KCNIP4: variants seen among roughly 807,000 people sequenced by gnomAD.
KCNIP4 encodes potassium voltage-gated channel interacting protein 4, also known as Kv channel-interacting protein 4.
In KCNIP4, 12 loss-of-function variants were observed where a neutral mutation model predicts 34.0. That is an observed-to-expected ratio of 0.35 (90% CI 0.23 to 0.57). KCNIP4 has a LOEUF of 0.57. Among genes scored for constraint, KCNIP4 ranks in the 20% least tolerant of loss-of-function variants. The pLI, the probability that KCNIP4 is intolerant of heterozygous loss-of-function variation, is 0.83. For missense variants in KCNIP4, 238 were observed against 311.7 expected, an observed-to-expected ratio of 0.76 and a Z score of 1.78; for synonymous variants, 124 against 102.2, an observed-to-expected ratio of 1.21 and a Z score of -1.29.
At chr4:21,388,692 A>G (rs1465148886) in intron 1 of KCNIP4, among the ~76,000 whole-genome samples, 1 of 152,114 alleles carries the variant, frequency 6.6e-6, no homozygotes, top group Non-Finnish European at 1.5e-5. Flanking sequence ...CTCCAGGCCT[A>G]GGCAACCACT....
intron 1 of KCNIP4, among the ~76,000 whole-genome samples, chr4:21,796,085 A>G (rs1046124704): frequency 1.3e-5 from 2 of 152,182 alleles, no homozygotes; most frequent in African/African-American, 4.8e-5. Flanking sequence ...TCAATAAATA[A>G]AAATTAAACC....
At chr4:21,367,445 A>C (rs1008522066) in intron 1 of KCNIP4, among the ~76,000 whole-genome samples, 1 of 152,086 alleles carries the variant, frequency 6.6e-6, no homozygotes, top group African/African-American at 2.4e-5. Context: ...TGAGCCAAGC[A>C]CTGTCCTGTA....
intron 1 of KCNIP4, among the ~76,000 whole-genome samples, chr4:21,334,679 A>T (rs1715993060): frequency 6.6e-6 from 1 of 151,870 alleles, no homozygotes; most frequent in Non-Finnish European, 1.5e-5. Flanking sequence ...AGCCGTTCAC[A>T]CCCCCACCCC....
At chr4:21,628,069 T>C (rs1035466640) in intron 1 of KCNIP4, among the ~76,000 whole-genome samples, 1 of 152,154 alleles carries the variant, frequency 6.6e-6, no homozygotes. Context: ...TATTGGTTTA[T>C]TATAAGTTAC....
At chr4:21,543,419 A>T (rs1737865926) in intron 1 of KCNIP4, among the ~76,000 whole-genome samples, 1 of 151,138 alleles carries the variant, frequency 6.6e-6, no homozygotes. Context: ...TTAAGCATGT[A>T]TTTTTTTTTC....
chr4:20,846,462 A>G (rs11942985), intron 3 of KCNIP4, among the ~76,000 whole-genome samples: 54,706 of 152,078 alleles, frequency 0.36, 10,333 homozygotes, highest in Non-Finnish European at 0.42. Flanking sequence ...TGAAACATAT[A>G]TATTGATATT....
intron 1 of KCNIP4, among the ~76,000 whole-genome samples, chr4:20,886,081 A>C (rs1393505013): frequency 6.6e-6 from 1 of 152,244 alleles, no homozygotes; most frequent in Non-Finnish European, 1.5e-5. Context: ...TCCCTACTGA[A>C]ATGGAAGATG....
chr4:21,234,332 T>TATATATAACATATATAACA (rs1560199093), intron 1 of KCNIP4, among the ~76,000 whole-genome samples: 1 of 82,180 alleles, frequency 1.2e-5, no homozygotes, highest in Non-Finnish European at 2.1e-5. Context: ...CATATATAAA[T>TATATATAACATATATAACA]TATATATAAC....
At chr4:21,258,235 G>C (rs1486646257) in intron 1 of KCNIP4, among the ~76,000 whole-genome samples, 1 of 152,242 alleles carries the variant, frequency 6.6e-6, no homozygotes, top group East Asian at 1.9e-4. Flanking sequence ...CATAAATTTA[G>C]GTAGATTTGA....
At chr4:21,177,596 G>A (rs747843822) in intron 1 of KCNIP4, among the ~76,000 whole-genome samples, 25 of 152,156 alleles carry the variant, frequency 1.6e-4, no homozygotes, top group African/African-American at 4.3e-4. Flanking sequence ...CTGGGAGGCC[G>A]AGGCAGGCAG....
chr4:21,129,889 T>TA (rs11384657), intron 1 of KCNIP4, among the ~76,000 whole-genome samples: 18,992 of 149,418 alleles, frequency 0.13, 1,363 homozygotes, highest in African/African-American at 0.18. Context: ...GCAGAAATGT[T>TA]AAAAAAAAAA....
intron 1 of KCNIP4, among the ~76,000 whole-genome samples, chr4:20,980,611 C>T (rs1012972775): frequency 5.3e-5 from 8 of 152,136 alleles, no homozygotes; most frequent in Admixed American, 4.6e-4. Context: ...TTTATCTCAA[C>T]ATTAATATGG....
At chr4:21,918,443 A>T (rs762642165) in intron 1 of KCNIP4, among the ~76,000 whole-genome samples, 2 of 152,170 alleles carry the variant, frequency 1.3e-5, no homozygotes, top group Non-Finnish European at 2.9e-5. Flanking sequence ...AGGCAAAGAC[A>T]CGAAACTGTG....
At chr4:21,771,369 T>C (rs926891516) in intron 1 of KCNIP4, among the ~76,000 whole-genome samples, 3 of 152,214 alleles carry the variant, frequency 2.0e-5, no homozygotes, top group African/African-American at 7.2e-5. Context: ...TGAAGTCAAG[T>C]AGTGTGATAA....
Position 21,178,658 on chromosome 4 carries a change from C to T in KCNIP4, c.62-295949G>A, listed in dbSNP as rs533170480. Among the ~76,000 whole-genome samples the T allele has an allele frequency of 2.7e-5, 4 of 146,000 alleles. 1 individual carries two copies. Among genetic ancestry groups the T allele is most frequent in the Admixed American group, 1.3e-4 (2 of 15,014 alleles). On this transcript the variant is annotated intron_variant, in intron 1 of 8. Coordinates refer to ENST00000382152, the MANE Select transcript of KCNIP4 (RefSeq NM_025221.6). ...TTATATTACTTCACTTAACTTCTCC[C>T]TTCCAAAACTGCCTATTCTAAGTGT...
chr4:21,873,531 C>T (rs1444425490), intron 1 of KCNIP4, among the ~76,000 whole-genome samples: 1 of 152,188 alleles, frequency 6.6e-6, no homozygotes, highest in African/African-American at 2.4e-5. Flanking sequence ...GTGCCTGGCA[C>T]AAAATAGTCA....
chr4:21,710,661 G>A (rs1713653751), intron 1 of KCNIP4, among the ~76,000 whole-genome samples: 1 of 152,162 alleles, frequency 6.6e-6, no homozygotes, highest in Non-Finnish European at 1.5e-5. Flanking sequence ...AATGAGCCCT[G>A]GACTGAGTCA....
At chr4:20,945,983 A>C (rs996383164) in intron 1 of KCNIP4, among the ~76,000 whole-genome samples, 4 of 152,220 alleles carry the variant, frequency 2.6e-5, no homozygotes, top group African/African-American at 9.6e-5. Context: ...GAGAAGAGAA[A>C]GAGGATAAAC....
At chr4:20,951,024 A>G (rs995916534) in intron 1 of KCNIP4, among the ~76,000 whole-genome samples, 3 of 152,130 alleles carry the variant, frequency 2.0e-5, no homozygotes, top group Non-Finnish European at 4.4e-5. Context: ...GAAAGTAATT[A>G]AGGTTAAATA....
Sources: gnomAD v4.1 joint callset for allele counts (sites outside exome capture counted in the v4.1 genomes callset) on GRCh38, gnomAD v4.1.1 for gene constraint, MANE v1.5 for transcripts, NCBI Gene and HGNC (gene_info 2026-07-23, HGNC 2026-07-21) for gene names.